The following SLC35F4 variants were observed in gnomAD, a reference collection of about 807,000 sequenced individuals.
The protein encoded by SLC35F4 is solute carrier family 35 member F4, also known as chromosome 14 open reading frame 36.
In SLC35F4, 24 loss-of-function variants were observed where a neutral mutation model predicts 44.2. The observed-to-expected ratio is 0.54, with a 90% CI of 0.39 to 0.76. The LOEUF (loss-of-function observed/expected upper bound fraction) is 0.76, where lower values mean the gene tolerates loss of function less well. Among genes scored for constraint, SLC35F4 ranks in the 30% least tolerant of loss-of-function variants. The pLI is 0.00. For missense variants in SLC35F4, 562 were observed against 586.1 expected (o/e 0.96, Z 0.42); for synonymous variants, 238 against 223.6 (o/e 1.06, Z -0.57).
chr14:57,688,656 A>G (rs992586746), intron 1 of SLC35F4, among the ~76,000 whole-genome samples: 2 of 152,162 alleles, frequency 1.3e-5, no homozygotes, highest in African/African-American at 4.8e-5. Context: ...CTGAGCAACC[A>G]TATTTAGACA....
At chr14:57,740,341 G>T (rs748237722) in intron 1 of SLC35F4, among the ~76,000 whole-genome samples, 2 of 152,126 alleles carry the variant, frequency 1.3e-5, no homozygotes, top group Non-Finnish European at 2.9e-5. Context: ...ATTTCAGACT[G>T]TGGGTAAGTT....
intron 6 of SLC35F4, among the ~76,000 whole-genome samples, chr14:57,567,994 T>A (rs138939065): frequency 6.6e-6 from 1 of 152,320 alleles, no homozygotes; most frequent in East Asian, 1.9e-4. Flanking sequence ...CTCAGCCAGA[T>A]CACATCTGAT....
At chr14:57,866,457 C>G (rs1010721188), upstream of SLC35F4, among the ~76,000 whole-genome samples, 1 of 152,152 alleles carries the variant, frequency 6.6e-6, no homozygotes, top group Non-Finnish European at 1.5e-5. Context: ...GTTAGTCAGT[C>G]CTTGCAACTT....
At chr14:57,589,066 G>A in intron 3 of SLC35F4, 150 bp downstream of exon 3, 1 of 776,208 alleles carries the variant, frequency 1.3e-6, no homozygotes, top group Admixed American at 2.9e-5. Context: ...AGGGAGGACT[G>A]ATTCTGCTTC....
chr14:57,843,225 T>C (rs1370326387), intron 1 of SLC35F4, among the ~76,000 whole-genome samples: 1 of 152,172 alleles, frequency 6.6e-6, no homozygotes, highest in African/African-American at 2.4e-5. Flanking sequence ...CTTTCATATA[T>C]ACATCTATCC....
intron 1 of SLC35F4, among the ~76,000 whole-genome samples, chr14:57,960,697 A>T (rs139566249): frequency 9.1e-4 from 139 of 152,230 alleles, no homozygotes; most frequent in African/African-American, 3.3e-3. Flanking sequence ...TAACTAAGAG[A>T]TTTATTCTCT....
At chr14:57,830,578 G>A (rs149231698) in intron 1 of SLC35F4, among the ~76,000 whole-genome samples, 22 of 152,232 alleles carry the variant, frequency 1.4e-4, no homozygotes, top group African/African-American at 5.3e-4. Context: ...CAAAGTGATT[G>A]GAAACTCACT....
intron 1 of SLC35F4, among the ~76,000 whole-genome samples, chr14:57,944,785 AAAG>A (rs1889992367): frequency 6.6e-6 from 1 of 151,982 alleles, no homozygotes; most frequent in Non-Finnish European, 1.5e-5. Flanking sequence ...AGAAAAAAGA[AAAG>A]AAGAAAGAAA....
At chr14:57,583,177 C>A (rs934387806) in intron 3 of SLC35F4, among the ~76,000 whole-genome samples, 3 of 152,194 alleles carry the variant, frequency 2.0e-5, no homozygotes, top group African/African-American at 7.2e-5. Flanking sequence ...TGAACAGTCT[C>A]TTTGAAGCCC....
At chr14:57,842,438 C>T (rs933109107) in intron 1 of SLC35F4, among the ~76,000 whole-genome samples, 7 of 152,162 alleles carry the variant, frequency 4.6e-5, no homozygotes, top group African/African-American at 1.7e-4. Flanking sequence ...AGAAGCTAAG[C>T]TATGGGGTCT....
intron 1 of SLC35F4, among the ~76,000 whole-genome samples, chr14:57,858,170 C>T (rs530157946): frequency 1.3e-5 from 2 of 152,056 alleles, no homozygotes; most frequent in Admixed American, 1.3e-4. Context: ...CCCAGCCATC[C>T]CATTACTGGG....
chr14:57,688,566 A>G (rs2075133886), intron 1 of SLC35F4, among the ~76,000 whole-genome samples: 1 of 152,220 alleles, frequency 6.6e-6, no homozygotes, highest in African/African-American at 2.4e-5. Context: ...AAGACCTTCA[A>G]GATGATCTGG....
At position 57,589,523 on chromosome 14, in the gene SLC35F4, G is replaced by A. The variant is rs1440253439; in HGVS notation, c.290-10C>T. ...TGTGTCCCATCGTCTGCTGGAAACA[G>A]GAAAGGAATACAAATGTGAGGAAAG... On this transcript the variant is annotated splice_polypyrimidine_tract_variant and intron_variant, in intron 2 of 7. Transcript: ENST00000556826. 3 of 1,589,372 alleles carry A rather than the reference G, an allele frequency of 1.9e-6. No individual in the cohort carries two copies. In the East Asian group the frequency reaches 6.7e-5, roughly 36 times the overall value.
intron 1 of SLC35F4, among the ~76,000 whole-genome samples, chr14:57,602,950 A>T (rs938296467): frequency 2.0e-5 from 3 of 152,098 alleles, no homozygotes; most frequent in Non-Finnish European, 2.9e-5. Flanking sequence ...ATGTCTTATT[A>T]AGTCTAAAGT....
At chr14:57,723,062 G>A (rs1377718728) in intron 1 of SLC35F4, among the ~76,000 whole-genome samples, 1 of 152,184 alleles carries the variant, frequency 6.6e-6, no homozygotes, top group Non-Finnish European at 1.5e-5. Context: ...GGGACTACTG[G>A]ACACTGGCTC....
chr14:57,782,822 G>GTGCCACTAGTGA (rs2077658261), intron 1 of SLC35F4, among the ~76,000 whole-genome samples: 1 of 152,166 alleles, frequency 6.6e-6, no homozygotes, highest in South Asian at 2.1e-4. Context: ...ACCATATAAA[G>GTGCCACTAGTGA]TGCCACTAGT....
intron 1 of SLC35F4, among the ~76,000 whole-genome samples, chr14:57,774,371 C>A (rs1461727552): frequency 6.6e-6 from 1 of 152,170 alleles, no homozygotes; most frequent in Non-Finnish European, 1.5e-5. Flanking sequence ...ACCATGGACA[C>A]TTGTGTTGGC....
At chr14:57,937,623 AAGAAAAG>A (rs2141070568) in intron 1 of SLC35F4, among the ~76,000 whole-genome samples, 1 of 128,614 alleles carries the variant, frequency 7.8e-6, no homozygotes, top group Non-Finnish European at 1.6e-5. Flanking sequence ...AAGAAAAGAA[AAGAAAAG>A]AAAAGAAAAG....
At chr14:57,714,706 G>A (rs893186910) in intron 1 of SLC35F4, among the ~76,000 whole-genome samples, 13 of 152,106 alleles carry the variant, frequency 8.5e-5, no homozygotes, top group Admixed American at 7.9e-4. Flanking sequence ...CCTTTAAGAG[G>A]TTTCCAGCTC....
Sources: allele counts gnomAD v4.1 joint callset (sites outside exome capture counted in the v4.1 genomes callset), GRCh38; gene constraint gnomAD v4.1.1; transcripts MANE v1.5; gene names NCBI Gene and HGNC (gene_info 2026-07-23, HGNC 2026-07-21).